DSCAML1: variants seen among roughly 807,000 people sequenced by gnomAD.
The protein encoded by DSCAML1 is cell adhesion molecule DSCAML1.
A neutral mutation model predicts 200.5 loss-of-function variants in DSCAML1; 38 were observed. The observed-to-expected ratio is 0.19, with a 90% CI of 0.15 to 0.25. The LOEUF (loss-of-function observed/expected upper bound fraction) is 0.25. DSCAML1 is among the 10% of genes least tolerant of loss of function. The probability of loss-of-function intolerance (pLI) is 1.00; values close to 1 mark genes in which losing one functional copy is unlikely to be tolerated. For missense variants in DSCAML1, 2,223 were observed against 2,858.8 expected, an observed-to-expected ratio of 0.78 and a Z score of 5.07; for synonymous variants, 1,215 against 1,165.0, an observed-to-expected ratio of 1.04 and a Z score of -0.87.
intron 19 of DSCAML1, among the ~76,000 whole-genome samples, chr11:117,452,199 A>AAAG (rs2048296773): frequency 6.6e-6 from 1 of 152,238 alleles, no homozygotes. Flanking sequence ...TCAGTTATTG[A>AAAG]ACGAGGTGTG....
At chr11:117,799,276 AAAAT>A (rs1413502996), upstream of DSCAML1, among the ~76,000 whole-genome samples, 1 of 152,224 alleles carries the variant, frequency 6.6e-6, no homozygotes, top group African/African-American at 2.4e-5. Context: ...GGTCATGCCT[AAAAT>A]AAACCGCTAA....
intron 3 of DSCAML1, among the ~76,000 whole-genome samples, chr11:117,621,511 C>G (rs970500957): frequency 6.6e-6 from 1 of 152,140 alleles, no homozygotes; most frequent in Admixed American, 6.6e-5. Context: ...ATAAGTGGTG[C>G]TTTAAGAGTG....
chr11:117,693,709 C>T (rs1053464036), intron 3 of DSCAML1, among the ~76,000 whole-genome samples: 7 of 152,136 alleles, frequency 4.6e-5, no homozygotes, highest in Non-Finnish European at 4.4e-5. Flanking sequence ...GTCTCAGTTT[C>T]TTACCTCTCC....
intron 3 of DSCAML1, among the ~76,000 whole-genome samples, chr11:117,567,789 G>C (rs1369509176): frequency 1.3e-5 from 2 of 152,106 alleles, no homozygotes; most frequent in African/African-American, 2.4e-5. Flanking sequence ...AATTCTATCA[G>C]AGGTACAAGG....
chr11:117,811,099 C>T (rs1423042556), intron 1 of DSCAML1, among the ~76,000 whole-genome samples: 1 of 152,130 alleles, frequency 6.6e-6, no homozygotes, highest in East Asian at 1.9e-4. Flanking sequence ...CCCCACCTGC[C>T]CAGCAATTTA....
intron 3 of DSCAML1, among the ~76,000 whole-genome samples, chr11:117,594,951 T>C (rs888706751): frequency 2.6e-5 from 4 of 152,204 alleles, no homozygotes; most frequent in African/African-American, 9.7e-5. Context: ...AAGGGACTCC[T>C]CAATAGTTCA....
At chr11:117,647,379 T>A (rs147900403) in intron 3 of DSCAML1, among the ~76,000 whole-genome samples, 148 of 152,300 alleles carry the variant, frequency 9.7e-4, no homozygotes, top group African/African-American at 3.5e-3. Context: ...CCAGCAAGCA[T>A]GAGTGATGGC....
chr11:117,646,588 T>G (rs993883709), intron 3 of DSCAML1, among the ~76,000 whole-genome samples: 2 of 152,238 alleles, frequency 1.3e-5, no homozygotes, highest in Non-Finnish European at 2.9e-5. Context: ...AACAGATTAA[T>G]GAGTGTGTGG....
chr11:117,491,030 C>T (rs2049171843), intron 11 of DSCAML1, among the ~76,000 whole-genome samples: 1 of 152,136 alleles, frequency 6.6e-6, no homozygotes, highest in Non-Finnish European at 1.5e-5. Flanking sequence ...CTGACAAGTC[C>T]CCAAGTCACC....
At chr11:117,530,437 G>A (rs950956276) in intron 4 of DSCAML1, among the ~76,000 whole-genome samples, 12 of 152,110 alleles carry the variant, frequency 7.9e-5, no homozygotes, top group Non-Finnish European at 1.5e-4. Context: ...ATTTTGAGGC[G>A]AGCCCTTTGG....
intron 5 of DSCAML1, among the ~76,000 whole-genome samples, chr11:117,523,302 G>A (rs985752993): frequency 2.0e-5 from 3 of 152,088 alleles, no homozygotes; most frequent in African/African-American, 7.2e-5. Flanking sequence ...GAGAGAGAGT[G>A]TAGAGCAGGA....
chr11:117,731,233 C>T (rs541806422), intron 3 of DSCAML1, among the ~76,000 whole-genome samples: 11 of 152,112 alleles, frequency 7.2e-5, no homozygotes, highest in African/African-American at 9.7e-5. Context: ...TTAACAGGGG[C>T]GCCTCAGCTC....
At chr11:117,732,679 G>C (rs1430191147) in intron 3 of DSCAML1, among the ~76,000 whole-genome samples, 1 of 152,210 alleles carries the variant, frequency 6.6e-6, no homozygotes, top group Non-Finnish European at 1.5e-5. Context: ...TGAAAGGTCT[G>C]CAGAGGGATA....
intron 3 of DSCAML1, among the ~76,000 whole-genome samples, chr11:117,730,028 A>G (rs1279340701): frequency 6.6e-6 from 1 of 152,142 alleles, no homozygotes; most frequent in Non-Finnish European, 1.5e-5. Flanking sequence ...GTGAAACTCT[A>G]TCTCTACTAA....
chr11:117,565,305 TTTTC>T (rs555365245), intron 3 of DSCAML1, among the ~76,000 whole-genome samples: 240 of 152,338 alleles, frequency 1.6e-3, no homozygotes, highest in African/African-American at 5.3e-3. Context: ...AATATTTGTC[TTTTC>T]TTTATGTCAG....
At chr11:117,555,162 G>A (rs983989775) in intron 3 of DSCAML1, among the ~76,000 whole-genome samples, 1 of 152,212 alleles carries the variant, frequency 6.6e-6, no homozygotes, top group Non-Finnish European at 1.5e-5. Context: ...GTTACCCCAT[G>A]TCTGGGCTCC....
chr11:117,566,712 A>G (rs1028990961), intron 3 of DSCAML1, among the ~76,000 whole-genome samples: 10 of 149,474 alleles, frequency 6.7e-5, no homozygotes, highest in South Asian at 4.3e-4. Flanking sequence ...ATATCTCCCA[A>G]TGCTATCCCT....
At position 117,480,200 on chromosome 11, in the gene DSCAML1, G is replaced by C. The variant is rs115358083; in HGVS notation, c.2785+243C>G. Among the ~76,000 whole-genome samples, 1,889 of 152,302 alleles carry C rather than the reference G, an allele frequency of 0.012. 44 individuals carry two copies. Among genetic ancestry groups the C allele is most frequent in the African/African-American group, 0.043 (1,800 of 41,566 alleles). On this transcript the variant is annotated intron_variant, in intron 14 of 32. Transcript: ENST00000651296. The surrounding 1 kb of genome is among the most constrained non-coding windows in gnomAD (Gnocchi z 4.1). ...GGGACCCTGGCCCAGGGACAGTCCTGGAAAGGAGCTGACATCACTACCCAT... is the reference window on the plus strand; with the variant it reads ...GGGACCCTGGCCCAGGGACAGTCCTCGAAAGGAGCTGACATCACTACCCAT...
chr11:117,646,381 G>A (rs1281908536), intron 3 of DSCAML1, among the ~76,000 whole-genome samples: 1 of 152,148 alleles, frequency 6.6e-6, no homozygotes, highest in East Asian at 1.9e-4. Flanking sequence ...GTGCCTGATG[G>A]GAAGGGAGGC....
Sources: allele counts gnomAD v4.1 joint callset (sites outside exome capture counted in the v4.1 genomes callset), GRCh38; gene constraint gnomAD v4.1.1; non-coding constraint Gnocchi (gnomAD v3.1); transcripts MANE v1.5; gene names NCBI Gene and HGNC (gene_info 2026-07-23, HGNC 2026-07-21).